TRAK2: variants seen among roughly 807,000 people sequenced by gnomAD.
TRAK2 encodes trafficking kinesin protein 2, also known as trafficking kinesin-binding protein 2.
TRAK2 carries 81 observed loss-of-function variants against 104.6 expected under a neutral mutation model. The observed-to-expected ratio is 0.77, with a 90% CI of 0.65 to 0.93. TRAK2 has a LOEUF of 0.93. TRAK2 is among the 40% of genes least tolerant of loss of function. TRAK2 has a pLI of 0.00. For missense variants in TRAK2, 1,002 were observed against 1,089.0 expected (o/e 0.92, Z 1.12); for synonymous variants, 406 against 394.4 (o/e 1.03, Z -0.35).
chr2:201,402,173 A>G (rs1313657507), intron 3 of TRAK2, among the ~76,000 whole-genome samples: 2 of 152,152 alleles, frequency 1.3e-5, no homozygotes, highest in Non-Finnish European at 2.9e-5. Context: ...GTTTATAGTT[A>G]CTACTCCTTA....
chr2:201,382,650 A>G (rs1238482694), intron 15 of TRAK2, among the ~76,000 whole-genome samples: 3 of 152,232 alleles, frequency 2.0e-5, no homozygotes, highest in African/African-American at 7.2e-5. Context: ...CTTGATGACT[A>G]TAAGAACAAT....
chr2:201,449,687 C>T (rs113104958), intron 1 of TRAK2, among the ~76,000 whole-genome samples: 5,201 of 150,658 alleles, frequency 0.035, 128 homozygotes, highest in Non-Finnish European at 0.055. Context: ...CTCGCTGTTG[C>T]CCAGGCTGGA....
chr2:201,383,024 G>A (rs926176571), intron 15 of TRAK2, among the ~76,000 whole-genome samples: 1 of 152,048 alleles, frequency 6.6e-6, no homozygotes, highest in African/African-American at 2.4e-5. Flanking sequence ...AAATATAAAG[G>A]AACAGGCAAC....
chr2:201,397,997 C>T, intron 6 of TRAK2, 148 bp downstream of exon 6: 2 of 725,236 alleles, frequency 2.8e-6, no homozygotes, highest in Non-Finnish European at 4.6e-6. Flanking sequence ...CAGTGGAAGG[C>T]AAGAAAAATA....
At chr2:201,391,821 T>G (rs1157979888) in intron 10 of TRAK2, among the ~76,000 whole-genome samples, 2 of 152,124 alleles carry the variant, frequency 1.3e-5, no homozygotes, top group African/African-American at 4.8e-5. Context: ...CAGACAATCC[T>G]AAACTGAGGA....
chr2:201,392,981 T>C lies in TRAK2; in HGVS notation c.1041A>G (p.Ile347Met). The change falls in exon 10 of 16, where the codon ATA (isoleucine) becomes ATG (methionine). Residue 347 changes from isoleucine to methionine, a missense_variant. Physicochemically the swap from Ile to Met is conservative, Grantham distance 10. Transcript: ENST00000332624. ...LGMLHESQEE[I>M]KELRSRSGPT... ...GGCCAGATCTACTACGAAGTTCCTT[T>C]ATTTCTTCTTGGGATTCATGTAACA... The C allele has an allele frequency of 1.2e-6, 2 of 1,613,836 alleles. No homozygotes were observed. Among genetic ancestry groups the C allele is most frequent in the Non-Finnish European group, 1.7e-6 (2 of 1,179,848 alleles).
At chr2:201,382,440 A>C (rs1951352609) in intron 15 of TRAK2, among the ~76,000 whole-genome samples, 1 of 152,198 alleles carries the variant, frequency 6.6e-6, no homozygotes, top group South Asian at 2.1e-4. Context: ...AATTCAAATG[A>C]GTTTGACTCC....
At chr2:201,433,981 C>T (rs1157622360) in intron 1 of TRAK2, among the ~76,000 whole-genome samples, 3 of 151,544 alleles carry the variant, frequency 2.0e-5, no homozygotes, top group Admixed American at 6.6e-5. Flanking sequence ...TTTTTGAGAC[C>T]GAGTCTCGCT....
intron 2 of TRAK2, chr2:201,410,753 G>T: frequency 1.3e-6 from 2 of 1,571,200 alleles, no homozygotes; most frequent in Non-Finnish European, 1.8e-6. Flanking sequence ...CACTGATTTG[G>T]TTTCTGTTGT....
chr2:201,405,060 C>T (rs937875436), intron 3 of TRAK2, among the ~76,000 whole-genome samples: 3 of 152,186 alleles, frequency 2.0e-5, no homozygotes, highest in Admixed American at 6.5e-5. Flanking sequence ...TTGTACAAAG[C>T]TAGTACATGA....
Position 201,384,186 on chromosome 2 carries a change from G to A in TRAK2, c.1994C>T (p.Ser665Leu), listed in dbSNP as rs373635648. The change falls in exon 15 of 16, where the codon TCG becomes TTG. Residue 665 changes from serine (S) to leucine (L), a missense_variant. Transcript: ENST00000332624. ...VATANPGKCL[S>L]CTNSTFTFTT... ...GAAAGTGAATGTTGAGTTTGTGCAC[G>A]ACAGGCACTTTCCTGGGTTGGCGGT... 19 of 1,613,286 alleles carry A rather than the reference G, an allele frequency of 1.2e-5. No homozygotes were observed. The highest frequency in any genetic ancestry group is 6.8e-6 in the Non-Finnish European group (8 of 1,179,640).
chr2:201,450,688 CTTTTTTT>C (rs369626279), intron 1 of TRAK2, among the ~76,000 whole-genome samples: 185 of 137,384 alleles, frequency 1.3e-3, no homozygotes, highest in Non-Finnish European at 1.9e-3. Flanking sequence ...GTGAAGTTAC[CTTTTTTT>C]TTTTTTTTTC....
chr2:201,412,385 C>T (rs968558608), intron 2 of TRAK2: 87 of 1,331,490 alleles, frequency 6.5e-5, no homozygotes, highest in Non-Finnish European at 8.7e-5. Flanking sequence ...GTTGGAGTTA[C>T]ATTTAACAGT....
chr2:201,407,429 AG>A lies in TRAK2; in HGVS notation c.259del (p.Ala88LeufsTer8). ...CATGTAACGGAAAGTCTCTTCAGCA[AG>A]GACTGGAGAGAGAGCATCAGATGCA... is the stretch of plus-strand genomic sequence containing the variant. The part of the protein sequence containing the change: ...QHASDALSPV[L>X]AEETFRYMIL... On this transcript the variant is annotated frameshift_variant, in exon 3 of 16. Transcript: ENST00000332624. LOFTEE classifies it high-confidence loss of function. The A allele has an allele frequency of 6.2e-7, 1 of 1,613,680 alleles. No individual in the cohort carries two copies.
chr2:201,399,297 C>T (rs1951528216), intron 5 of TRAK2, 80 bp downstream of exon 5: 3 of 917,176 alleles, frequency 3.3e-6, no homozygotes, highest in Non-Finnish European at 5.2e-6. Flanking sequence ...GCCATCATTT[C>T]AGGGACACCT....
chr2:201,411,199 C>A, intron 2 of TRAK2: 1 of 719,594 alleles, frequency 1.4e-6, no homozygotes. Flanking sequence ...TGTTTAACAG[C>A]AGCAATAGGT....
Position 201,382,392 on chromosome 2 carries a change from C to T in TRAK2, c.2070-1174G>A, listed in dbSNP as rs1951352369. On this transcript the variant is annotated intron_variant, in intron 15 of 15. Coordinates refer to ENST00000332624, the MANE Select transcript of TRAK2 (RefSeq NM_015049.3). ...GAACAAAATGTAAGCTTAAAATTAACAAACTTTCTAAAGCACCAACTTGTA... is the reference window on the plus strand; with the variant it reads ...GAACAAAATGTAAGCTTAAAATTAATAAACTTTCTAAAGCACCAACTTGTA... Among the ~76,000 whole-genome samples, 3 of 152,218 alleles carry T rather than the reference C, an allele frequency of 2.0e-5. No homozygotes were observed. The South Asian group carries it at 6.2e-4, about 32-fold the overall frequency.
intron 2 of TRAK2, chr2:201,411,357 C>A: frequency 8.1e-6 from 6 of 743,898 alleles, no homozygotes; most frequent in South Asian, 2.7e-5. Context: ...GGAATCACTG[C>A]CAGTCAGAAG....
In TRAK2 at chr2:201,380,417, C is replaced by A. The variant is rs1951327985; in HGVS notation, c.*126G>T. ...CAATTTTATTTCCATTCCTCCATTC[C>A]CCCTTTCACATTCACAACCCTTGTG... On this transcript the variant is annotated 3_prime_UTR_variant, in exon 16 of 16. Coordinates refer to ENST00000332624, the MANE Select transcript of TRAK2 (RefSeq NM_015049.3). The A allele has an allele frequency of 4.0e-6, 4 of 991,918 alleles. No homozygotes were observed. The highest frequency in any genetic ancestry group is 5.9e-6 in the Non-Finnish European group (4 of 678,578). The allele number at this position is 991,918 out of a possible 1,614,324, so 61.4% of individuals were successfully genotyped here. A position where few individuals can be genotyped will look rare whatever the true frequency, so the allele number is the denominator to read the frequency against.
Sources: gnomAD v4.1 joint callset for allele counts (sites outside exome capture counted in the v4.1 genomes callset) on GRCh38, gnomAD v4.1.1 for gene constraint, MANE v1.5 for transcripts, NCBI Gene and HGNC (gene_info 2026-07-23, HGNC 2026-07-21) for gene names.